FAM222B: variants seen among roughly 807,000 people sequenced by gnomAD.
FAM222B encodes the protein protein FAM222B.
Under a neutral mutation model 38.0 loss-of-function variants are expected in FAM222B, and 12 were observed. The ratio of observed to expected loss-of-function variants is 0.32; its 90% CI spans 0.20 to 0.51. FAM222B has a LOEUF of 0.51. FAM222B is among the 20% of genes least tolerant of loss of function. The pLI is 0.97. For missense variants in FAM222B, 716 were observed against 754.2 expected (o/e 0.95, Z 0.59); for synonymous variants, 329 against 317.2 (o/e 1.04, Z -0.40).
intron 1 of FAM222B, among the ~76,000 whole-genome samples, chr17:28,808,016 T>C (rs573243151): frequency 1.1e-4 from 16 of 152,346 alleles, no homozygotes; most frequent in Middle Eastern, 3.4e-3. Context: ...TCTTTCCCTT[T>C]TACTGCCAGA....
intron 1 of FAM222B, among the ~76,000 whole-genome samples, chr17:28,838,766 G>A (rs1264499895): frequency 3.3e-5 from 5 of 151,718 alleles, no homozygotes; most frequent in East Asian, 1.9e-4. Context: ...AATCAGCCAG[G>A]TATGGTGGTA....
intron 1 of FAM222B, among the ~76,000 whole-genome samples, chr17:28,809,432 T>A (rs555022661): frequency 6.6e-6 from 1 of 151,102 alleles, no homozygotes; most frequent in East Asian, 2.0e-4. Flanking sequence ...GAAAATTAAA[T>A]CAACTGCTTT....
intron 1 of FAM222B, among the ~76,000 whole-genome samples, chr17:28,783,828 T>C (rs2036271126): frequency 1.3e-5 from 2 of 150,446 alleles, no homozygotes; most frequent in African/African-American, 4.9e-5. Context: ...AGGCTGAGTC[T>C]CACTCTCTTG....
At chr17:28,844,970 G>A (rs996154895), upstream of FAM222B, among the ~76,000 whole-genome samples, 2 of 151,776 alleles carry the variant, frequency 1.3e-5, no homozygotes, top group African/African-American at 4.8e-5. Flanking sequence ...GGGCATGGTG[G>A]CATGCACCTG....
intron 1 of FAM222B, among the ~76,000 whole-genome samples, chr17:28,805,412 G>A (rs192197428): frequency 3.9e-5 from 6 of 152,200 alleles, no homozygotes; most frequent in African/African-American, 1.2e-4. Flanking sequence ...GTACATGCCT[G>A]TAATCCCAGC....
At chr17:28,784,648 A>G (rs981018341) in intron 1 of FAM222B, among the ~76,000 whole-genome samples, 3 of 151,832 alleles carry the variant, frequency 2.0e-5, no homozygotes, top group African/African-American at 7.3e-5. Flanking sequence ...GGCTAACACA[A>G]TGAAACCCCG....
chr17:28,798,777 C>G (rs961684085), intron 1 of FAM222B, among the ~76,000 whole-genome samples: 4 of 150,138 alleles, frequency 2.7e-5, no homozygotes, highest in African/African-American at 9.8e-5. Flanking sequence ...GCCACTATGC[C>G]CGGCTAATTT....
chr17:28,791,753 G>A (rs1597929513), intron 1 of FAM222B, among the ~76,000 whole-genome samples: 1 of 144,792 alleles, frequency 6.9e-6, no homozygotes, highest in Middle Eastern at 3.9e-3. Flanking sequence ...TCCACTTTCT[G>A]GGTTCAAGTG....
chr17:28,847,913 CAAA>C (rs35199325), intron 1 of FAM222B, among the ~76,000 whole-genome samples: 6 of 99,456 alleles, frequency 6.0e-5, no homozygotes, highest in Admixed American at 1.1e-4. Flanking sequence ...GACTCCGCCT[CAAA>C]AAAAAAAAAA....
At chr17:28,765,500 C>T (rs2035288196) in intron 2 of FAM222B, among the ~76,000 whole-genome samples, 1 of 152,178 alleles carries the variant, frequency 6.6e-6, no homozygotes, top group Admixed American at 6.5e-5. Flanking sequence ...AGTTAAGGTG[C>T]TGAAGCACCT....
At chr17:28,834,977 G>A (rs1340824705) in intron 1 of FAM222B, among the ~76,000 whole-genome samples, 2 of 148,034 alleles carry the variant, frequency 1.4e-5, no homozygotes, top group East Asian at 2.0e-4. Context: ...GCCTCAGCCT[G>A]CTGAGCAGCT....
chr17:28,776,893 CA>C (rs758838796), intron 1 of FAM222B, among the ~76,000 whole-genome samples: 18 of 152,186 alleles, frequency 1.2e-4, no homozygotes, highest in Non-Finnish European at 2.1e-4. Context: ...TAAGCAGTAC[CA>C]AAGACTTCAA....
chr17:28,821,529 G>A (rs1041829111), intron 1 of FAM222B, among the ~76,000 whole-genome samples: 11 of 152,158 alleles, frequency 7.2e-5, no homozygotes, highest in Admixed American at 2.0e-4. Context: ...TGTACTTTAA[G>A]AACAAGGTCA....
chr17:28,808,539 A>G (rs1438704397), intron 1 of FAM222B, among the ~76,000 whole-genome samples: 1 of 152,232 alleles, frequency 6.6e-6, no homozygotes, highest in African/African-American at 2.4e-5. Context: ...GTAACTCACC[A>G]ACAATAAATT....
intron 1 of FAM222B, among the ~76,000 whole-genome samples, chr17:28,792,681 C>A (rs367898870): frequency 1.7e-4 from 25 of 149,818 alleles, no homozygotes; most frequent in African/African-American, 6.2e-4. Flanking sequence ...CTTGGGGGGC[C>A]AAGGCACGAG....
At chr17:28,847,979 G>A (rs1200753610) in intron 1 of FAM222B, among the ~76,000 whole-genome samples, 4 of 151,328 alleles carry the variant, frequency 2.6e-5, no homozygotes, top group Non-Finnish European at 5.9e-5. Context: ...ATGAAGGAGA[G>A]AGAAGCAGAT....
intron 1 of FAM222B, among the ~76,000 whole-genome samples, chr17:28,839,031 C>T (rs985393720): frequency 2.0e-5 from 3 of 152,072 alleles, no homozygotes; most frequent in South Asian, 2.1e-4. Flanking sequence ...GGTGAAACCC[C>T]GTCTCTACTA....
intron 1 of FAM222B, among the ~76,000 whole-genome samples, chr17:28,768,237 A>G (rs980022182): frequency 6.6e-6 from 1 of 152,178 alleles, no homozygotes; most frequent in Non-Finnish European, 1.5e-5. Context: ...GAAAAGCTCA[A>G]AAGTTAAAGA....
In FAM222B at chr17:28,759,017, G is replaced by A. The variant is rs747372365; in HGVS notation, c.942C>T (p.Ser314=). 6.0e-5 allele frequency: 96 copies of A among 1,612,876 alleles called. No homozygotes were observed. The highest frequency in any genetic ancestry group is 4.0e-4 in the South Asian group (36 of 90,878). Residue 314 remains serine, a synonymous_variant, in exon 3 of 3, where the codon AGC becomes AGT. Coordinates refer to ENST00000581407, the MANE Select transcript of FAM222B (RefSeq NM_001077498.3). The surrounding 1 kb of genome is among the most constrained non-coding windows in gnomAD (Gnocchi z 4.8). ...INASTRVSTH[S]VPTPMPSCVV... ...CACATGAAGGCATTGGTGTGGGGAC[G>A]CTGTGGGTCGACACCCGGGTGCTTG...
Sources: allele counts gnomAD v4.1 joint callset (sites outside exome capture counted in the v4.1 genomes callset), GRCh38; gene constraint gnomAD v4.1.1; non-coding constraint Gnocchi (gnomAD v3.1); transcripts MANE v1.5; gene names NCBI Gene and HGNC (gene_info 2026-07-23, HGNC 2026-07-21).